MACROD2: variants seen among roughly 807,000 people sequenced by gnomAD.
MACROD2 encodes ADP-ribose glycohydrolase MACROD2.
MACROD2 carries 36 observed loss-of-function variants against 70.4 expected under a neutral mutation model. The observed-to-expected ratio is 0.51, with a 90% CI of 0.39 to 0.68. The LOEUF (loss-of-function observed/expected upper bound fraction) is 0.68. Among genes scored for constraint, MACROD2 ranks in the 30% least tolerant of loss-of-function variants. MACROD2 has a pLI of 0.00. For missense variants in MACROD2, 496 were observed against 538.4 expected (o/e 0.92, Z 0.78); for synonymous variants, 172 against 178.8 (o/e 0.96, Z 0.30).
chr20:15,495,965 T>A (rs747532201), intron 7 of MACROD2, among the ~76,000 whole-genome samples: 2 of 152,066 alleles, frequency 1.3e-5, no homozygotes, highest in Non-Finnish European at 2.9e-5. Context: ...AGCAAGGCCT[T>A]ATGACAGGAA....
chr20:14,829,989 A>C (rs2072946325), intron 5 of MACROD2, among the ~76,000 whole-genome samples: 2 of 152,130 alleles, frequency 1.3e-5, no homozygotes, highest in African/African-American at 4.8e-5. Flanking sequence ...TTTCATGTTG[A>C]ATTAAGCCAT....
intron 4 of MACROD2, among the ~76,000 whole-genome samples, chr20:14,652,618 A>G (rs1250238376): frequency 6.6e-6 from 1 of 152,212 alleles, no homozygotes; most frequent in African/African-American, 2.4e-5. Flanking sequence ...GGTTTTATGT[A>G]CCACATAATG....
intron 4 of MACROD2, among the ~76,000 whole-genome samples, chr20:14,513,090 T>C (rs1375508444): frequency 6.6e-6 from 1 of 152,108 alleles, no homozygotes; most frequent in Non-Finnish European, 1.5e-5. Context: ...TTCTTTTAGT[T>C]TGAAAGTTTT....
At chr20:14,284,504 T>C (rs1216382127) in intron 3 of MACROD2, among the ~76,000 whole-genome samples, 1 of 152,196 alleles carries the variant, frequency 6.6e-6, no homozygotes, top group Admixed American at 6.5e-5. Flanking sequence ...ATGTGGATTT[T>C]AAATATTCTT....
rs6043075 is a variant in MACROD2, at chr20:15,048,735, G to A, written c.419-181205G>A. ...TTCATTTTAAACATAATTTATGCTG[G>A]TGCTAAGTCTAAAGCATAAAGAAGG... On this transcript the variant is annotated intron_variant, in intron 5 of 17. Transcript: ENST00000684519. Among the ~76,000 whole-genome samples, 740 of 152,078 alleles carry A rather than the reference G, an allele frequency of 4.9e-3. 9 individuals carry two copies. Among genetic ancestry groups the A allele is most frequent in the African/African-American group, 0.017 (706 of 41,478 alleles).
In MACROD2 at chr20:15,269,015, A is replaced by G. The variant is rs574001012; in HGVS notation, c.540+38954A>G. Among the ~76,000 whole-genome samples the G allele has an allele frequency of 5.2e-4, 79 of 152,372 alleles. 2 individuals carry two copies. In the South Asian group the frequency reaches 0.016, roughly 30 times the overall value. On this transcript the variant is annotated intron_variant, in intron 6 of 17. Transcript: ENST00000684519. ...AGCTCCCTTAACACTTCAGAGCCAC[A>G]GCATCTTCTGAATAGCTGGCACAAT...
intron 4 of MACROD2, among the ~76,000 whole-genome samples, chr20:14,664,670 A>T (rs945625960): frequency 3.9e-5 from 6 of 152,070 alleles, no homozygotes; most frequent in Non-Finnish European, 8.8e-5. Flanking sequence ...AGTACCTCTG[A>T]TATTAGATAA....
At chr20:14,061,304 T>C (rs1315441328) in intron 2 of MACROD2, among the ~76,000 whole-genome samples, 2 of 152,190 alleles carry the variant, frequency 1.3e-5, no homozygotes, top group African/African-American at 2.4e-5. Context: ...TAAAGTTCTT[T>C]TTAAAATTGC....
intron 5 of MACROD2, chr20:14,758,143 T>C (rs2071967221): frequency 3.2e-6 from 1 of 313,034 alleles, no homozygotes; most frequent in Non-Finnish European, 6.0e-6. Context: ...CCTCACTGAT[T>C]TCAGATTTAT....
intron 6 of MACROD2, among the ~76,000 whole-genome samples, chr20:15,365,576 G>A (rs937178764): frequency 2.0e-5 from 3 of 151,620 alleles, no homozygotes; most frequent in East Asian, 3.9e-4. Flanking sequence ...CAGGAGAATC[G>A]CTTGAACCCA....
intron 8 of MACROD2, among the ~76,000 whole-genome samples, chr20:15,582,213 T>A (rs1283348652): frequency 6.6e-6 from 1 of 151,920 alleles, no homozygotes; most frequent in Non-Finnish European, 1.5e-5. Flanking sequence ...CAGCACCTCC[T>A]AGGGCCAGAG....
At chr20:14,381,887 AAGAC>A (rs1187608596) in intron 3 of MACROD2, among the ~76,000 whole-genome samples, 2 of 152,188 alleles carry the variant, frequency 1.3e-5, no homozygotes, top group African/African-American at 2.4e-5. Flanking sequence ...GACAGGAAGA[AAGAC>A]AGACAGATAA....
At chr20:15,862,670 T>G (rs1454779211) in intron 8 of MACROD2, 75 bp from the exon 9 acceptor site, 2 of 1,197,398 alleles carry the variant, frequency 1.7e-6, no homozygotes, top group African/African-American at 3.1e-5. Flanking sequence ...CATTTGTTTT[T>G]GTTCTACGGC....
chr20:14,072,753 T>C (rs1003876132), intron 2 of MACROD2, among the ~76,000 whole-genome samples: 17 of 152,054 alleles, frequency 1.1e-4, no homozygotes, highest in South Asian at 8.3e-4. Context: ...GCTAACACTG[T>C]GAAACCCTGT....
chr20:14,081,995 C>A (rs1055276984), intron 2 of MACROD2, among the ~76,000 whole-genome samples: 1 of 151,974 alleles, frequency 6.6e-6, no homozygotes, highest in Non-Finnish European at 1.5e-5. Flanking sequence ...ATTTGAGCAA[C>A]ATTGTCACAG....
At chr20:15,778,575 A>G (rs750882636) in intron 8 of MACROD2, among the ~76,000 whole-genome samples, 1 of 152,062 alleles carries the variant, frequency 6.6e-6, no homozygotes, top group Non-Finnish European at 1.5e-5. Flanking sequence ...AGAATATTTT[A>G]ATCCCTGGAT....
At chr20:15,411,864 G>A (rs2046083293) in intron 6 of MACROD2, among the ~76,000 whole-genome samples, 1 of 152,208 alleles carries the variant, frequency 6.6e-6, no homozygotes, top group Admixed American at 6.5e-5. Flanking sequence ...AAGGCCTGCA[G>A]GAGGTCAGGC....
intron 9 of MACROD2, among the ~76,000 whole-genome samples, chr20:15,884,243 G>C (rs553775251): frequency 6.6e-6 from 1 of 152,126 alleles, no homozygotes; most frequent in African/African-American, 2.4e-5. Flanking sequence ...TCAAACCTGG[G>C]GAAATCAGAA....
intron 4 of MACROD2, among the ~76,000 whole-genome samples, chr20:14,508,795 G>C (rs1453385065): frequency 3.3e-5 from 5 of 152,022 alleles, no homozygotes; most frequent in Non-Finnish European, 5.9e-5. Flanking sequence ...ACAGTGAATT[G>C]TTCATATGTT....
Sources: gnomAD v4.1 joint callset for allele counts (sites outside exome capture counted in the v4.1 genomes callset) on GRCh38, gnomAD v4.1.1 for gene constraint, MANE v1.5 for transcripts, NCBI Gene and HGNC (gene_info 2026-07-23, HGNC 2026-07-21) for gene names.